TSHZ3: variants seen among roughly 807,000 people sequenced by gnomAD.
The protein encoded by TSHZ3 is teashirt homolog 3.
In TSHZ3, 10 loss-of-function variants were observed where a neutral mutation model predicts 64.5. The ratio of observed to expected loss-of-function variants is 0.16; its 90% CI spans 0.10 to 0.26. The LOEUF is 0.26. TSHZ3 is among the 10% of genes least tolerant of loss of function. The pLI, the probability that TSHZ3 is intolerant of heterozygous loss-of-function variation, is 1.00. For synonymous variants in TSHZ3, 608 were observed against 593.1 expected (o/e 1.03, Z -0.36); for missense variants, 1,242 against 1,421.7 (o/e 0.87, Z 2.03).
intron 1 of TSHZ3, among the ~76,000 whole-genome samples, chr19:31,290,110 G>A (rs1453517108): frequency 1.3e-5 from 2 of 152,116 alleles, no homozygotes; most frequent in Admixed American, 1.3e-4. Context: ...GACGCCACCC[G>A]ATTTAGGGCC....
chr19:31,221,134 A>G (rs544690618), intron 4 of TSHZ3, among the ~76,000 whole-genome samples: 43 of 152,338 alleles, frequency 2.8e-4, no homozygotes, highest in African/African-American at 9.6e-4. Context: ...AGGGGATGCC[A>G]TGATGGACAA....
At chr19:31,329,094 AATCTTC>A (rs1432339352) in intron 1 of TSHZ3, among the ~76,000 whole-genome samples, 1 of 152,236 alleles carries the variant, frequency 6.6e-6, no homozygotes, top group African/African-American at 2.4e-5. Context: ...CTAGGCTCCC[AATCTTC>A]ATGCGGCACA....
At chr19:31,325,537 A>C (rs1170077879) in intron 1 of TSHZ3, among the ~76,000 whole-genome samples, 5 of 152,172 alleles carry the variant, frequency 3.3e-5, no homozygotes, top group Non-Finnish European at 7.3e-5. Context: ...CTAAGCGCTG[A>C]CGGCCAGAGA....
At chr19:31,241,424 G>T (rs573740439) in intron 3 of TSHZ3, among the ~76,000 whole-genome samples, 7 of 152,092 alleles carry the variant, frequency 4.6e-5, no homozygotes, top group South Asian at 2.1e-4. Context: ...ACTCTAATAA[G>T]GTTGAGAATC....
At chr19:31,344,094 T>C (rs1023184850) in intron 1 of TSHZ3, among the ~76,000 whole-genome samples, 2 of 152,246 alleles carry the variant, frequency 1.3e-5, no homozygotes, top group Admixed American at 1.3e-4. Flanking sequence ...GTCCATATCA[T>C]TGTTACTAAA....
At chr19:31,310,158 T>C (rs1348352396) in intron 1 of TSHZ3, among the ~76,000 whole-genome samples, 1 of 152,188 alleles carries the variant, frequency 6.6e-6, no homozygotes, top group Non-Finnish European at 1.5e-5. Context: ...TGTTGCCCCA[T>C]CTGCTAAGCC....
At chr19:31,296,485 C>T (rs991237333) in intron 1 of TSHZ3, among the ~76,000 whole-genome samples, 11 of 151,922 alleles carry the variant, frequency 7.2e-5, no homozygotes, top group African/African-American at 2.7e-4. Flanking sequence ...AAGGTGCCCG[C>T]CACCATGCCT....
Position 31,312,783 on chromosome 19 carries a change from G to A in TSHZ3, c.41-33031C>T, listed in dbSNP as rs189787725. Among the ~76,000 whole-genome samples, 31 of 152,220 alleles carry A rather than the reference G, an allele frequency of 2.0e-4. No individual in the cohort carries two copies. The East Asian group carries it at 5.4e-3, about 27-fold the overall frequency. The stretch of plus-strand genomic sequence containing the variant: ...TGATTGCTTCAAGGAGAAAGTATCC[G>A]GTGGGTGCTATTGGTCTTTAACACC... On this transcript the variant is annotated intron_variant, in intron 1 of 1. Coordinates refer to ENST00000240587, the MANE Select transcript of TSHZ3 (RefSeq NM_020856.4).
At chr19:31,292,359 C>CCTATT (rs1361684659) in intron 1 of TSHZ3, among the ~76,000 whole-genome samples, 1 of 152,088 alleles carries the variant, frequency 6.6e-6, no homozygotes, top group Non-Finnish European at 1.5e-5. Flanking sequence ...CTCTTGCCTG[C>CCTATT]CTATACACTT....
At position 31,246,268 on chromosome 19, in the gene TSHZ3, T is replaced by C. The variant is rs150613210; in HGVS notation, n.64-3393A>G. Among the ~76,000 whole-genome samples, 1,273 of 152,338 alleles carry C rather than the reference T, an allele frequency of 8.4e-3. 8 individuals are homozygous for C. Among genetic ancestry groups the C allele is most frequent in the Non-Finnish European group, 0.015 (1,003 of 68,032 alleles). ...AATGTCTGGAAAGATTCATACCAAA[T>C]TGATCATATTGATTAGACCTGAAGG... On this transcript the variant is annotated intron_variant and non_coding_transcript_variant, in intron 1 of 6. Transcript: ENST00000651361.
At chr19:31,298,834 G>A (rs559333190) in intron 1 of TSHZ3, among the ~76,000 whole-genome samples, 1 of 152,332 alleles carries the variant, frequency 6.6e-6, no homozygotes, top group Admixed American at 6.5e-5. Context: ...CCTGTCTCCA[G>A]AATACACGTT....
intron 1 of TSHZ3, among the ~76,000 whole-genome samples, chr19:31,296,718 C>T (rs377060541): frequency 1.3e-5 from 2 of 152,116 alleles, no homozygotes; most frequent in East Asian, 1.9e-4. Flanking sequence ...TACTGGGCAC[C>T]GTCAGCCTAG....
At chr19:31,189,071 A>G (rs1176240682) in intron 5 of TSHZ3, among the ~76,000 whole-genome samples, 1 of 151,896 alleles carries the variant, frequency 6.6e-6, no homozygotes, top group Non-Finnish European at 1.5e-5. Context: ...TGTTCATAGC[A>G]TTCCCTTATT....
intron 1 of TSHZ3, among the ~76,000 whole-genome samples, chr19:31,320,917 T>C (rs1422178298): frequency 3.9e-5 from 6 of 152,176 alleles, no homozygotes; most frequent in Non-Finnish European, 8.8e-5. Flanking sequence ...GGAGGCAGAA[T>C]TCCCTTCCCT....
At chr19:31,281,307 T>G (rs1477591655) in intron 1 of TSHZ3, among the ~76,000 whole-genome samples, 1 of 152,090 alleles carries the variant, frequency 6.6e-6, no homozygotes, top group East Asian at 1.9e-4. Flanking sequence ...CCTCATTCCT[T>G]CCAGGACAGG....
intron 1 of TSHZ3, among the ~76,000 whole-genome samples, chr19:31,268,029 A>C (rs1167800090): frequency 1.3e-5 from 2 of 152,080 alleles, no homozygotes; most frequent in Non-Finnish European, 2.9e-5. Flanking sequence ...GAGGTAATTG[A>C]ATCATGGGGG....
chr19:31,231,342 C>T (rs1051833587), intron 3 of TSHZ3, among the ~76,000 whole-genome samples: 12 of 152,058 alleles, frequency 7.9e-5, no homozygotes, highest in African/African-American at 2.9e-4. Context: ...GATGCCAAAG[C>T]CCCTGGCTGA....
At chr19:31,220,541 G>A (rs1211911518) in intron 4 of TSHZ3, among the ~76,000 whole-genome samples, 1 of 152,060 alleles carries the variant, frequency 6.6e-6, no homozygotes, top group Non-Finnish European at 1.5e-5. Context: ...AAGAGTACTT[G>A]GGACTGTGAT....
intron 1 of TSHZ3, chr19:31,308,500 C>A: frequency 2.5e-6 from 1 of 393,584 alleles, no homozygotes; most frequent in Non-Finnish European, 4.5e-6. Flanking sequence ...TGTTTGTCAT[C>A]GTCTCCAGCG....
Sources: gnomAD v4.1 joint callset for allele counts (sites outside exome capture counted in the v4.1 genomes callset) on GRCh38, gnomAD v4.1.1 for gene constraint, MANE v1.5 for transcripts, NCBI Gene and HGNC (gene_info 2026-07-23, HGNC 2026-07-21) for gene names.